EXT2: variants seen among roughly 807,000 people sequenced by gnomAD.
EXT2 encodes exostosin glycosyltransferase 2.
In EXT2, 53 loss-of-function variants were observed where a neutral mutation model predicts 81.6. The observed-to-expected ratio is 0.65, with a 90% CI of 0.52 to 0.82. The LOEUF is 0.82. Among genes scored for constraint, EXT2 ranks in the 40% least tolerant of loss-of-function variants. The pLI is 0.00. For missense variants in EXT2, 774 were observed against 910.2 expected, an observed-to-expected ratio of 0.85 and a Z score of 1.93; for synonymous variants, 320 against 340.0, an observed-to-expected ratio of 0.94 and a Z score of 0.65.
At chr11:44,168,812 C>A (rs1955030309) in intron 7 of EXT2, among the ~76,000 whole-genome samples, 1 of 152,082 alleles carries the variant, frequency 6.6e-6, no homozygotes, top group African/African-American at 2.4e-5. Flanking sequence ...ACGAATTCTA[C>A]AGTGAAATAA....
chr11:44,143,962 CT>C (rs1954681065), intron 7 of EXT2, among the ~76,000 whole-genome samples: 2 of 152,122 alleles, frequency 1.3e-5, no homozygotes, highest in East Asian at 3.9e-4. Flanking sequence ...ATAAAGTGAG[CT>C]TTTGATTTCT....
chr11:44,151,651 T>C (rs1195955924), intron 7 of EXT2, among the ~76,000 whole-genome samples: 1 of 152,220 alleles, frequency 6.6e-6, no homozygotes, highest in Non-Finnish European at 1.5e-5. Flanking sequence ...CTATGTTTTG[T>C]ATATGAATAA....
chr11:44,244,109 C>T, intron 13 of EXT2, 40 bp from the exon 14 acceptor site: 3 of 1,607,146 alleles, frequency 1.9e-6, no homozygotes, highest in Non-Finnish European at 2.6e-6. Flanking sequence ...TCTCATTCTG[C>T]TCAAACCCCT....
chr11:44,101,398 G>T (rs1031854314), intron 1 of EXT2, among the ~76,000 whole-genome samples: 2 of 152,174 alleles, frequency 1.3e-5, no homozygotes, highest in Non-Finnish European at 2.9e-5. Flanking sequence ...GCTGGAGGTT[G>T]CTTCTGGCTT....
chr11:44,186,982 TTTCCTTCCTTCCTTCCTTCC>T (rs71035681), intron 8 of EXT2, among the ~76,000 whole-genome samples: 99 of 78,846 alleles, frequency 1.3e-3, no homozygotes, highest in Non-Finnish European at 1.9e-3. Flanking sequence ...TTGTACAAAA[TTTCCTTCCTTCCTTCCTTCC>T]TTCCTTCCTT....
chr11:44,193,931 G>A (rs755470365), intron 8 of EXT2, among the ~76,000 whole-genome samples: 3 of 152,080 alleles, frequency 2.0e-5, no homozygotes, highest in South Asian at 2.1e-4. Flanking sequence ...CTCCCCTACC[G>A]ATTCACTTCC....
At chr11:44,121,299 A>G (rs1475354907) in intron 4 of EXT2, among the ~76,000 whole-genome samples, 1 of 152,174 alleles carries the variant, frequency 6.6e-6, no homozygotes, top group African/African-American at 2.4e-5. Flanking sequence ...TCTAACCCAG[A>G]GTCTTTCTTA....
intron 10 of EXT2, among the ~76,000 whole-genome samples, chr11:44,209,533 T>TCCTGCTTTTTATC (rs1334761914): frequency 2.0e-5 from 3 of 152,206 alleles, no homozygotes; most frequent in Non-Finnish European, 4.4e-5. Flanking sequence ...TGCTCCTAAA[T>TCCTGCTTTTTATC]CCTGCTTTTT....
chr11:44,217,154 C>T (rs1452468212), intron 10 of EXT2, among the ~76,000 whole-genome samples: 1 of 151,570 alleles, frequency 6.6e-6, no homozygotes, highest in East Asian at 1.9e-4. Flanking sequence ...TCACTTCAGG[C>T]TTTATTGCTG....
At chr11:44,163,544 A>G (rs1208788808) in intron 7 of EXT2, among the ~76,000 whole-genome samples, 2 of 152,242 alleles carry the variant, frequency 1.3e-5, no homozygotes, top group African/African-American at 4.8e-5. Flanking sequence ...ATGAAAAGGA[A>G]TAATTAGCCT....
intron 4 of EXT2, among the ~76,000 whole-genome samples, chr11:44,120,352 T>C (rs1024582865): frequency 6.6e-6 from 1 of 152,234 alleles, no homozygotes; most frequent in African/African-American, 2.4e-5. Flanking sequence ...AAGGCTGCGC[T>C]GAGCATGTAC....
intron 4 of EXT2, among the ~76,000 whole-genome samples, chr11:44,114,549 C>T (rs115801922): frequency 1.3e-5 from 2 of 152,160 alleles, no homozygotes; most frequent in Non-Finnish European, 2.9e-5. Flanking sequence ...TCCTTAACTC[C>T]GTTCTCTCCT....
At chr11:44,098,710 A>AAG (rs1953938984) in intron 1 of EXT2, among the ~76,000 whole-genome samples, 1 of 151,464 alleles carries the variant, frequency 6.6e-6, no homozygotes. Context: ...AAAAAAAAAA[A>AAG]AAGCAGGGGT....
intron 13 of EXT2, among the ~76,000 whole-genome samples, chr11:44,238,727 C>T (rs1213370810): frequency 6.6e-6 from 1 of 152,174 alleles, no homozygotes; most frequent in Non-Finnish European, 1.5e-5. Flanking sequence ...CTTCAAAAAT[C>T]ACTAGGATCC....
chr11:44,129,032 G>A (rs1356661176), intron 6 of EXT2, among the ~76,000 whole-genome samples: 2 of 152,176 alleles, frequency 1.3e-5, no homozygotes, highest in African/African-American at 2.4e-5. Flanking sequence ...CAAATGTCGT[G>A]AAGGAAAAGT....
chr11:44,096,282 C>T, intron 1 of EXT2: 2 of 1,536,000 alleles, frequency 1.3e-6, no homozygotes, highest in Non-Finnish European at 1.7e-6. Context: ...CCGGTGGTGG[C>T]CTGCGGCATC....
chr11:44,146,526 G>A (rs868354635), intron 7 of EXT2, among the ~76,000 whole-genome samples: 1 of 152,190 alleles, frequency 6.6e-6, no homozygotes, highest in Non-Finnish European at 1.5e-5. Flanking sequence ...CCAGTGAAGA[G>A]GGGCGCTTTC....
chr11:44,158,475 C>T (rs550345639), intron 7 of EXT2, among the ~76,000 whole-genome samples: 7 of 151,962 alleles, frequency 4.6e-5, no homozygotes, highest in East Asian at 1.9e-4. Flanking sequence ...AGCCCACTAT[C>T]GAGACCTGCT....
intron 7 of EXT2, among the ~76,000 whole-genome samples, chr11:44,158,751 A>G (rs1261608026): frequency 6.6e-6 from 1 of 151,948 alleles, no homozygotes; most frequent in Admixed American, 6.5e-5. Context: ...TCTGAAGAAC[A>G]TTTAACATTT....
Sources: allele counts gnomAD v4.1 joint callset (sites outside exome capture counted in the v4.1 genomes callset), GRCh38; gene constraint gnomAD v4.1.1; transcripts MANE v1.5; gene names NCBI Gene and HGNC (gene_info 2026-07-23, HGNC 2026-07-21).